The following ASIC2 variants were observed in gnomAD, a reference collection of about 807,000 sequenced individuals.
ASIC2 encodes the protein acid-sensing ion channel 2.
In ASIC2, 25 loss-of-function variants were observed where a neutral mutation model predicts 57.3. That is an observed-to-expected ratio of 0.44 (90% CI 0.32 to 0.61). The LOEUF (loss-of-function observed/expected upper bound fraction) is 0.61. Ranked by LOEUF, ASIC2 falls within the 20% of genes least tolerant of loss-of-function variation. The pLI, the probability that ASIC2 is intolerant of heterozygous loss-of-function variation, is 0.06. For synonymous variants in ASIC2, 319 were observed against 307.5 expected (o/e 1.04, Z -0.39); for missense variants, 641 against 738.1 (o/e 0.87, Z 1.52).
At chr17:33,915,562 C>T (rs1307359764) in intron 1 of ASIC2, among the ~76,000 whole-genome samples, 2 of 152,180 alleles carry the variant, frequency 1.3e-5, no homozygotes, top group Admixed American at 1.3e-4. Flanking sequence ...TTTTCTGCTT[C>T]TCAATTTTCT....
chr17:33,848,118 G>C (rs1357350884), intron 1 of ASIC2, among the ~76,000 whole-genome samples: 1 of 152,124 alleles, frequency 6.6e-6, no homozygotes, highest in Non-Finnish European at 1.5e-5. Flanking sequence ...TGCATTACAC[G>C]CTCTGCCTTT....
At chr17:33,605,361 T>A (rs56101484) in intron 1 of ASIC2, among the ~76,000 whole-genome samples, 3,175 of 152,266 alleles carry the variant, frequency 0.021, 56 homozygotes, top group East Asian at 0.071. Context: ...CCCTCAGTGA[T>A]ATGCAAAAAG....
chr17:33,527,972 A>C (rs765877598), intron 1 of ASIC2, among the ~76,000 whole-genome samples: 10 of 152,168 alleles, frequency 6.6e-5, no homozygotes, highest in Non-Finnish European at 1.3e-4. Context: ...ATGGAACTTC[A>C]TGGAGGCCCT....
At chr17:34,148,667 G>T (rs1904386846) in intron 1 of ASIC2, among the ~76,000 whole-genome samples, 1 of 152,190 alleles carries the variant, frequency 6.6e-6, no homozygotes, top group Non-Finnish European at 1.5e-5. Flanking sequence ...CCTCATCATG[G>T]AGCAGGGTTG....
chr17:33,472,398 A>G (rs1230479678), intron 1 of ASIC2, among the ~76,000 whole-genome samples: 1 of 152,160 alleles, frequency 6.6e-6, no homozygotes, highest in Non-Finnish European at 1.5e-5. Flanking sequence ...TACCATTTTA[A>G]TCTTTAAAAC....
At chr17:33,635,181 T>C (rs536781244) in intron 1 of ASIC2, 1 of 152,326 alleles carries the variant, frequency 6.6e-6, no homozygotes, top group Non-Finnish European at 1.5e-5. Context: ...ATGGAGAAGA[T>C]TATAATGAAA....
chr17:33,696,592 T>A (rs565048138), intron 1 of ASIC2, among the ~76,000 whole-genome samples: 1 of 152,316 alleles, frequency 6.6e-6, no homozygotes, highest in African/African-American at 2.4e-5. Flanking sequence ...CTATACATTT[T>A]TCCGTTCGTT....
In ASIC2 at chr17:33,308,565, C is replaced by T. The variant is rs182907920; in HGVS notation, c.556-196498G>A. ...TCTGGTTCTAGAGCCTTGTTCAGTGCGTGGAATACTGTAGGTATTCAATAA... is the reference window on the plus strand; with the variant it reads ...TCTGGTTCTAGAGCCTTGTTCAGTGTGTGGAATACTGTAGGTATTCAATAA... On this transcript the variant is annotated intron_variant, in intron 1 of 9. Transcript: ENST00000359872. 5.9e-5 allele frequency among the ~76,000 whole-genome samples: 9 copies of T among 152,168 alleles called. No homozygotes were observed. In the East Asian group the frequency reaches 1.3e-3, roughly 23 times the overall value.
chr17:33,986,591 C>A (rs896748117), intron 1 of ASIC2, among the ~76,000 whole-genome samples: 2 of 152,114 alleles, frequency 1.3e-5, no homozygotes, highest in Non-Finnish European at 2.9e-5. Context: ...ATCTTTAATT[C>A]TGCAAGAACA....
chr17:33,272,153 C>T (rs540357555), intron 1 of ASIC2, among the ~76,000 whole-genome samples: 1 of 152,212 alleles, frequency 6.6e-6, no homozygotes, highest in African/African-American at 2.4e-5. Context: ...ACTACATGAG[C>T]TAATGAGCTA....
intron 1 of ASIC2, among the ~76,000 whole-genome samples, chr17:33,368,818 C>T (rs1188038948): frequency 6.6e-6 from 1 of 152,180 alleles, no homozygotes; most frequent in Non-Finnish European, 1.5e-5. Context: ...CCTCCTTTCA[C>T]CCGTCTTAGC....
intron 1 of ASIC2, among the ~76,000 whole-genome samples, chr17:33,812,488 A>G (rs1368632369): frequency 6.6e-6 from 1 of 152,148 alleles, no homozygotes; most frequent in Non-Finnish European, 1.5e-5. Context: ...CCAGAGGGAA[A>G]TTGTGCTTGC....
intron 1 of ASIC2, among the ~76,000 whole-genome samples, chr17:33,615,347 A>T (rs1008427873): frequency 1.1e-4 from 17 of 152,320 alleles, no homozygotes; most frequent in African/African-American, 3.4e-4. Context: ...TTATTATTTT[A>T]AAAAATCTAT....
At chr17:33,627,439 G>A (rs923142003) in intron 1 of ASIC2, among the ~76,000 whole-genome samples, 9 of 152,198 alleles carry the variant, frequency 5.9e-5, no homozygotes, top group South Asian at 4.1e-4. Flanking sequence ...GCCTGCAGGC[G>A]TACAGAGGCA....
chr17:33,873,221 C>T lies in ASIC2; in HGVS notation c.555+282757G>A, dbSNP rs185887563. On this transcript the variant is annotated intron_variant, in intron 1 of 9. Coordinates refer to the ASIC2 transcript ENST00000359872. ...CTTGGTCAAAATCTTTCTCCCAAGA[C>T]GACAAAGATAAGGATTATCCCCCTT... Among the ~76,000 whole-genome samples the T allele has an allele frequency of 2.3e-4, 35 of 152,246 alleles. No homozygotes were observed. In the East Asian group the frequency reaches 2.3e-3, roughly 10 times the overall value.
Position 33,291,383 on chromosome 17 carries a change from C to T in ASIC2, c.708+25G>A, listed in dbSNP as rs752537589. ...GCCGGGGAGTGGGGCGCAGAGGGAG[C>T]GGGTTCGCGCGGAGGGCAACTCACG... On this transcript the variant is annotated intron_variant, in intron 1 of 9. Coordinates refer to ENST00000225823, the MANE Select transcript of ASIC2 (RefSeq NM_183377.2). 5 of 1,575,084 alleles carry T rather than the reference C, an allele frequency of 3.2e-6. No individual in the cohort carries two copies. In the African/African-American group the frequency reaches 5.4e-5, roughly 17 times the overall value.
intron 1 of ASIC2, chr17:34,155,793 C>G (rs910614393): frequency 1.5e-6 from 1 of 651,928 alleles, no homozygotes; most frequent in Admixed American, 3.0e-5. Context: ...GTGCTCTATC[C>G]TGGCCGGTAG....
intron 1 of ASIC2, among the ~76,000 whole-genome samples, chr17:33,417,256 A>G (rs895491414): frequency 1.3e-5 from 2 of 152,104 alleles, no homozygotes; most frequent in Admixed American, 1.3e-4. Context: ...AATCTTAAAA[A>G]TCCACCCAGT....
intron 1 of ASIC2, among the ~76,000 whole-genome samples, chr17:34,063,749 A>G (rs1909056567): frequency 6.6e-6 from 1 of 152,160 alleles, no homozygotes; most frequent in South Asian, 2.1e-4. Flanking sequence ...AACCAAATCA[A>G]GAACTCAACC....
Sources: allele counts gnomAD v4.1 joint callset (sites outside exome capture counted in the v4.1 genomes callset), GRCh38; gene constraint gnomAD v4.1.1; transcripts MANE v1.5; gene names NCBI Gene and HGNC (gene_info 2026-07-23, HGNC 2026-07-21).